GTF2IRD1: variants seen among roughly 807,000 people sequenced by gnomAD.
The protein encoded by GTF2IRD1 is general transcription factor II-I repeat domain-containing protein 1.
Under a neutral mutation model 113.2 loss-of-function variants are expected in GTF2IRD1, and 26 were observed. That is an observed-to-expected ratio of 0.23 (90% CI 0.17 to 0.32). GTF2IRD1 has a LOEUF of 0.32. Among genes scored for constraint, GTF2IRD1 ranks in the 10% least tolerant of loss-of-function variants. The pLI, the probability that GTF2IRD1 is intolerant of heterozygous loss-of-function variation, is 1.00. For synonymous variants in GTF2IRD1, 484 were observed against 529.1 expected, an observed-to-expected ratio of 0.91 and a Z score of 1.17; for missense variants, 864 against 1,280.8, an observed-to-expected ratio of 0.67 and a Z score of 4.97.
chr7:74,466,563 C>G (rs1221302845), intron 1 of GTF2IRD1, among the ~76,000 whole-genome samples: 1 of 152,122 alleles, frequency 6.6e-6, no homozygotes, highest in African/African-American at 2.4e-5. Flanking sequence ...TGCTGCCTCT[C>G]CCCTAGAGCG....
intron 22 of GTF2IRD1, among the ~76,000 whole-genome samples, chr7:74,589,629 C>G (rs1554368812): frequency 6.6e-6 from 1 of 151,374 alleles, no homozygotes; most frequent in Non-Finnish European, 1.5e-5. Context: ...ACCCAGAAGG[C>G]AGAGGTTGCA....
chr7:74,535,434 G>A (rs1798236509), intron 10 of GTF2IRD1, among the ~76,000 whole-genome samples: 1 of 152,158 alleles, frequency 6.6e-6, no homozygotes, highest in African/African-American at 2.4e-5. Context: ...CTTTGAAGCT[G>A]CCAGCATATT....
intron 17 of GTF2IRD1, 42 bp downstream of exon 17, chr7:74,547,328 C>T: frequency 6.7e-7 from 1 of 1,493,554 alleles, no homozygotes; most frequent in Non-Finnish European, 9.1e-7. Flanking sequence ...ACCGGCCCTG[C>T]TCAGCACCAA....
At chr7:74,517,363 C>T (rs1796995967) in intron 4 of GTF2IRD1, among the ~76,000 whole-genome samples, 1 of 149,776 alleles carries the variant, frequency 6.7e-6, no homozygotes, top group African/African-American at 2.5e-5. Context: ...TTTGCTCCCT[C>T]TCCACTTCCT....
At chr7:74,544,643 C>G in intron 14 of GTF2IRD1, 112 bp from the exon 15 acceptor site, 1 of 987,582 alleles carries the variant, frequency 1.0e-6, no homozygotes, top group Non-Finnish European at 1.6e-6. Flanking sequence ...TGCCATGCTT[C>G]AGAGTTGGGG....
intron 4 of GTF2IRD1, among the ~76,000 whole-genome samples, chr7:74,516,690 G>A (rs1441320373): frequency 6.6e-6 from 1 of 152,188 alleles, no homozygotes; most frequent in Non-Finnish European, 1.5e-5. Flanking sequence ...TGGTCACACT[G>A]GCCACCCTGG....
chr7:74,481,631 C>T (rs1554334660), intron 1 of GTF2IRD1, among the ~76,000 whole-genome samples: 1 of 152,188 alleles, frequency 6.6e-6, no homozygotes, highest in Non-Finnish European at 1.5e-5. Flanking sequence ...ACTGTGTATG[C>T]CCCTGAGGTC....
At chr7:74,552,292 G>A (rs781981118) in intron 17 of GTF2IRD1, among the ~76,000 whole-genome samples, 3 of 152,102 alleles carry the variant, frequency 2.0e-5, no homozygotes, top group Non-Finnish European at 2.9e-5. Flanking sequence ...GTTGAGGAGG[G>A]TGTATCACCT....
intron 20 of GTF2IRD1, 90 bp from the exon 21 acceptor site, chr7:74,558,770 TG>T: frequency 2.1e-6 from 2 of 960,180 alleles, no homozygotes; most frequent in Non-Finnish European, 3.1e-6. Flanking sequence ...CCTGCACGCA[TG>T]TCTTTCCATC....
intron 1 of GTF2IRD1, among the ~76,000 whole-genome samples, chr7:74,473,713 G>T (rs1429519900): frequency 6.6e-6 from 1 of 152,052 alleles, no homozygotes; most frequent in African/African-American, 2.4e-5. Flanking sequence ...TGGGTGGTGA[G>T]CCTGCCCACT....
At chr7:74,473,821 G>A (rs750539890) in intron 1 of GTF2IRD1, among the ~76,000 whole-genome samples, 2 of 152,128 alleles carry the variant, frequency 1.3e-5, no homozygotes, top group Non-Finnish European at 2.9e-5. Context: ...CTCAGAAAAC[G>A]ATATCTTCAG....
intron 22 of GTF2IRD1, among the ~76,000 whole-genome samples, chr7:74,582,072 T>C (rs1801449519): frequency 6.6e-6 from 1 of 151,938 alleles, no homozygotes; most frequent in Non-Finnish European, 1.5e-5. Context: ...ATCTTAGCAT[T>C]CTCCCTCAGG....
In GTF2IRD1 at chr7:74,544,733, G is replaced by A. The variant is rs1554352685; in HGVS notation, c.1619-22G>A. On this transcript the variant is annotated intron_variant, in intron 14 of 26. Transcript: ENST00000424337. ...TAGGAGATGATGAATGTGGCTTCCCGGCATCCTCTGTTCTCTTTTAGACAA... is the reference window on the plus strand; with the variant it reads ...TAGGAGATGATGAATGTGGCTTCCCAGCATCCTCTGTTCTCTTTTAGACAA... 6.2e-6 allele frequency: 10 copies of A among 1,612,148 alleles called. No individual in the cohort carries two copies. The East Asian group carries it at 1.1e-4, about 18-fold the overall frequency.
intron 2 of GTF2IRD1, among the ~76,000 whole-genome samples, chr7:74,508,467 G>T (rs1048401902): frequency 3.9e-5 from 6 of 152,088 alleles, no homozygotes; most frequent in Non-Finnish European, 7.4e-5. Context: ...CGGGGTCGGT[G>T]GATCACTAGG....
chr7:74,527,731 A>G (rs1235371542), intron 8 of GTF2IRD1, among the ~76,000 whole-genome samples: 1 of 151,798 alleles, frequency 6.6e-6, no homozygotes, highest in African/African-American at 2.4e-5. Context: ...AATCCCAGCT[A>G]CTCGGGAGGC....
At chr7:74,494,020 C>T (rs1554337362) in intron 1 of GTF2IRD1, among the ~76,000 whole-genome samples, 1 of 152,184 alleles carries the variant, frequency 6.6e-6, no homozygotes, top group East Asian at 1.9e-4. Flanking sequence ...CCTGGTGTGC[C>T]CTCAGGGTGT....
In GTF2IRD1 at chr7:74,518,338, G is replaced by A. The variant is rs587614345; in HGVS notation, c.605+16G>A. The A allele has an allele frequency of 2.9e-5, 45 of 1,566,254 alleles. No homozygotes were observed. In the Admixed American group the frequency reaches 3.2e-4, roughly 11 times the overall value. On this transcript the variant is annotated intron_variant, in intron 5 of 26. Coordinates refer to ENST00000424337, the MANE Select transcript of GTF2IRD1 (RefSeq NM_005685.4). Reference sequence around the variant, plus strand: ...AGCTCAAGAGGTGAGTGAGGTAGCCGGCCCGGGGCTGGGCTGGGGCTGGGC... The same window carrying A: ...AGCTCAAGAGGTGAGTGAGGTAGCCAGCCCGGGGCTGGGCTGGGGCTGGGC...
intron 1 of GTF2IRD1, among the ~76,000 whole-genome samples, chr7:74,490,575 A>C (rs552163613): frequency 5.0e-5 from 6 of 120,878 alleles, no homozygotes; most frequent in African/African-American, 9.6e-5. Context: ...AGAAGGGGAG[A>C]AATTTCTTTT....
chr7:74,491,304 A>G lies in GTF2IRD1; in HGVS notation c.-6-16771A>G, dbSNP rs782385687. ...CTGGGTGACAGAGTGAGGGAGAAAA[A>G]AAAATTCTTTTTTTTTTTTTTTTTT... On this transcript the variant is annotated intron_variant, in intron 1 of 26. Transcript: ENST00000424337. Among the ~76,000 whole-genome samples, 47 of 148,884 alleles carry G rather than the reference A, an allele frequency of 3.2e-4. No homozygotes were observed. The Middle Eastern group carries it at 0.01, about 33-fold the overall frequency.
Sources: gnomAD v4.1 joint callset for allele counts (sites outside exome capture counted in the v4.1 genomes callset) on GRCh38, gnomAD v4.1.1 for gene constraint, MANE v1.5 for transcripts, NCBI Gene and HGNC (gene_info 2026-07-23, HGNC 2026-07-21) for gene names.